The following COL28A1 variants were observed in gnomAD, a reference collection of about 807,000 sequenced individuals.
COL28A1 encodes collagen alpha-1(XXVIII) chain.
In COL28A1, 161 loss-of-function variants were observed where a neutral mutation model predicts 150.2. That is an observed-to-expected ratio of 1.07 (90% CI 0.94 to 1.22). The LOEUF is 1.22. Among genes scored for constraint, COL28A1 ranks in the 50% most tolerant of loss-of-function variants. COL28A1 has a pLI of 0.00. For synonymous variants in COL28A1, 552 were observed against 469.7 expected (o/e 1.18, Z -2.26); for missense variants, 1,617 against 1,388.3 (o/e 1.16, Z -2.62).
rs772851319 is a variant in COL28A1, at chr7:7,507,183, A to G, written c.928-22T>C. The G allele has an allele frequency of 9.7e-6, 10 of 1,026,438 alleles. No homozygotes were observed. The South Asian group carries it at 1.2e-4, about 12-fold the overall frequency. The allele number at this position is 1,026,438 out of a possible 1,614,324, so 63.6% of individuals were successfully genotyped here. A position where few individuals can be genotyped will look rare whatever the true frequency, so the allele number is the denominator to read the frequency against. On this transcript the variant is annotated intron_variant, in intron 9 of 34. Coordinates refer to ENST00000399429, the MANE Select transcript of COL28A1 (RefSeq NM_001037763.3). ...ATCCCTGTGGAATAAAATTGAAAAT[A>G]AGTCTCTCTAAATATACATCTTCAA...
intron 11 of COL28A1, among the ~76,000 whole-genome samples, chr7:7,501,742 T>C (rs1011132056): frequency 6.6e-6 from 1 of 152,156 alleles, no homozygotes; most frequent in Non-Finnish European, 1.5e-5. Context: ...GACAGCCCCA[T>C]GGAAGGCAGC....
chr7:7,456,696 T>C (rs1372776286), intron 15 of COL28A1, among the ~76,000 whole-genome samples: 2 of 152,190 alleles, frequency 1.3e-5, no homozygotes, highest in East Asian at 1.9e-4. Flanking sequence ...AGGTGTTTGT[T>C]GAGTGCCCAT....
At position 7,360,541 on chromosome 7, in the gene COL28A1, AT is replaced by A; in HGVS notation, c.3067-14del. 6.3e-7 allele frequency: 1 copy of A among 1,589,074 alleles called. No homozygotes were observed. The highest frequency in any genetic ancestry group is 1.2e-5 in the South Asian group (1 of 85,946). ...TGGTGACACTCAACTACACAAAAATATTCACATTTTGTGTTTCTGATAATAT... is the reference window on the plus strand; with the variant it reads ...TGGTGACACTCAACTACACAAAAATATCACATTTTGTGTTTCTGATAATAT... On this transcript the variant is annotated splice_polypyrimidine_tract_variant and intron_variant, in intron 33 of 34. Coordinates refer to ENST00000399429, the MANE Select transcript of COL28A1 (RefSeq NM_001037763.3).
At chr7:7,484,853 G>C (rs10247676) in intron 13 of COL28A1, among the ~76,000 whole-genome samples, 21,916 of 152,066 alleles carry the variant, frequency 0.14, 1,718 homozygotes, top group Middle Eastern at 0.22. Flanking sequence ...AGCTAGAAGC[G>C]CTTATCCTTG....
intron 22 of COL28A1, among the ~76,000 whole-genome samples, chr7:7,436,849 G>A (rs1009061039): frequency 5.3e-5 from 8 of 152,246 alleles, no homozygotes; most frequent in African/African-American, 1.9e-4. Context: ...AGATGAGCCC[G>A]GCCAACATGG....
At chr7:7,520,861 T>C (rs1290436216) in intron 5 of COL28A1, among the ~76,000 whole-genome samples, 1 of 152,210 alleles carries the variant, frequency 6.6e-6, no homozygotes, top group Non-Finnish European at 1.5e-5. Context: ...ACGAAGACTT[T>C]ATAGGAAGGG....
chr7:7,507,390 C>T (rs1428575761), intron 9 of COL28A1, among the ~76,000 whole-genome samples: 1 of 152,076 alleles, frequency 6.6e-6, no homozygotes, highest in Non-Finnish European at 1.5e-5. Context: ...GATGTAAGTC[C>T]GTTGCCTACA....
chr7:7,429,474 G>T (rs1019870625), intron 25 of COL28A1, among the ~76,000 whole-genome samples: 3 of 87,052 alleles, frequency 3.4e-5, no homozygotes, highest in Admixed American at 1.1e-4. Flanking sequence ...GTGTGTGTGT[G>T]GGGGGGGGGA....
In COL28A1 at chr7:7,474,621, G is replaced by T; in HGVS notation, c.1282C>A (p.Leu428Met). 1 of 1,363,500 alleles carries T rather than the reference G, an allele frequency of 7.3e-7. No individual in the cohort carries two copies. Among genetic ancestry groups the T allele is most frequent in the Non-Finnish European group, 1.1e-6 (1 of 951,920 alleles). The allele number at this position is 1,363,500 out of a possible 1,614,324, so 84.5% of individuals were successfully genotyped here. A position where few individuals can be genotyped will look rare whatever the true frequency, so the allele number is the denominator to read the frequency against. The change falls in exon 15 of 35, where the codon CTG becomes ATG. Residue 428 changes from leucine (L) to methionine (M), a missense_variant. Transcript: ENST00000399429. ...AGTACCTTCTCCCCTTTGATTGACA[G>T]GCCTTGTAATCCCTGTGGGCCAGTT... ...GPTGPQGLQGLSIKGEKGDIG... is the reference protein window; with the variant it reads ...GPTGPQGLQGMSIKGEKGDIG...
At chr7:7,397,341 G>A (rs1429529906) in intron 27 of COL28A1, among the ~76,000 whole-genome samples, 1 of 151,888 alleles carries the variant, frequency 6.6e-6, no homozygotes, top group African/African-American at 2.4e-5. Flanking sequence ...GGACATTCGG[G>A]CCTTATATTC....
intron 21 of COL28A1, among the ~76,000 whole-genome samples, chr7:7,439,965 T>A (rs1785640405): frequency 6.6e-6 from 1 of 152,220 alleles, no homozygotes; most frequent in South Asian, 2.1e-4. Context: ...ATGTGCTTTT[T>A]AATCATCTGG....
intron 18 of COL28A1, among the ~76,000 whole-genome samples, chr7:7,448,499 T>C (rs2128326734): frequency 6.6e-6 from 1 of 152,018 alleles, no homozygotes; most frequent in African/African-American, 2.4e-5. Flanking sequence ...ATTTGGCAAT[T>C]TCTTGGAAAG....
chr7:7,378,096 G>A (rs1262158524), intron 30 of COL28A1, among the ~76,000 whole-genome samples: 1 of 152,026 alleles, frequency 6.6e-6, no homozygotes, highest in African/African-American at 2.4e-5. Context: ...GATGTCCACG[G>A]GCAGCCAAGG....
the COL28A1 span, among the ~76,000 whole-genome samples, chr7:7,344,851 C>A: frequency 2.6e-5 from 4 of 152,174 alleles, no homozygotes; most frequent in African/African-American, 9.6e-5. Flanking sequence ...TTTTTTCTGA[C>A]AAACCTGTCA....
chr7:7,515,908 AT>A, intron 7 of COL28A1, 68 bp from the exon 8 acceptor site: 1 of 784,944 alleles, frequency 1.3e-6, no homozygotes, highest in Non-Finnish European at 2.3e-6. Flanking sequence ...AGGATTAGGT[AT>A]TTTTCAATTA....
rs754216502 is a variant in COL28A1, at chr7:7,490,653, G to A, written c.1027-7C>T. On this transcript the variant is annotated splice_polypyrimidine_tract_variant and splice_region_variant and intron_variant, in intron 11 of 34. Transcript: ENST00000399429. ...CAGGAGGACCTGGCTCACCCTGGAG[G>A]AAGAAATAGTGACATCAGTTATATG... 1 of 1,151,712 alleles carries A rather than the reference G, an allele frequency of 8.7e-7. No homozygotes were observed. The highest frequency in any genetic ancestry group is 1.7e-5 in the Admixed American group (1 of 58,958). The allele number at this position is 1,151,712 out of a possible 1,614,324, so 71.3% of individuals were successfully genotyped here.
At chr7:7,507,370 T>A (rs929818606) in intron 9 of COL28A1, among the ~76,000 whole-genome samples, 1 of 152,174 alleles carries the variant, frequency 6.6e-6, no homozygotes, top group African/African-American at 2.4e-5. Context: ...TCCATGAAAA[T>A]ACAATTTTAG....
chr7:7,352,272 AG>A (rs768702896), downstream of COL28A1, among the ~76,000 whole-genome samples: 4 of 152,168 alleles, frequency 2.6e-5, no homozygotes, highest in Non-Finnish European at 5.9e-5. Flanking sequence ...AAGATAAACA[AG>A]GCATGTCTTC....
chr7:7,474,300 G>C (rs1234289312), intron 15 of COL28A1, among the ~76,000 whole-genome samples: 1 of 151,896 alleles, frequency 6.6e-6, no homozygotes, highest in Non-Finnish European at 1.5e-5. Context: ...CAAAAGGGTG[G>C]GAAGAGGGTG....
Sources: gnomAD v4.1 joint callset for allele counts (sites outside exome capture counted in the v4.1 genomes callset) on GRCh38, gnomAD v4.1.1 for gene constraint, MANE v1.5 for transcripts, NCBI Gene and HGNC (gene_info 2026-07-23, HGNC 2026-07-21) for gene names.